Variants in ZMYM2 observed in about 807,000 individuals in gnomAD.
ZMYM2 encodes zinc finger MYM-type containing 2, also known as zinc finger MYM-type protein 2.
Under a neutral mutation model 162.8 loss-of-function variants are expected in ZMYM2, and 56 were observed. The observed-to-expected ratio is 0.34, with a 90% CI of 0.28 to 0.43. The LOEUF (loss-of-function observed/expected upper bound fraction) is 0.43. Ranked by LOEUF, ZMYM2 falls within the 20% of genes least tolerant of loss-of-function variation. ZMYM2 has a pLI of 1.00. For missense variants in ZMYM2, 1,275 were observed against 1,621.8 expected (o/e 0.79, Z 3.67); for synonymous variants, 510 against 541.6 (o/e 0.94, Z 0.81).
At chr13:19,998,095 T>C (rs1054219482) in intron 3 of ZMYM2, among the ~76,000 whole-genome samples, 3 of 152,208 alleles carry the variant, frequency 2.0e-5, no homozygotes, top group African/African-American at 7.2e-5. Flanking sequence ...GAATTGGGTC[T>C]TGCATTTATA....
chr13:19,907,981 G>A, the ZMYM2 span, among the ~76,000 whole-genome samples: 1 of 151,956 alleles, frequency 6.6e-6, no homozygotes, highest in Non-Finnish European at 1.5e-5. Context: ...ACATTTTGCA[G>A]TATACTTTCT....
intron 2 of ZMYM2, among the ~76,000 whole-genome samples, chr13:19,969,489 G>T (rs531526677): frequency 2.0e-5 from 3 of 152,230 alleles, no homozygotes; most frequent in African/African-American, 4.8e-5. Context: ...CAAGGAACTT[G>T]TGATGAGAGT....
At chr13:19,971,244 G>GTGTGTGTATATATATATATATATATA (rs5802035) in intron 2 of ZMYM2, among the ~76,000 whole-genome samples, 10 of 50,124 alleles carry the variant, frequency 2.0e-4, no homozygotes, top group East Asian at 2.8e-3. Context: ...GTGTGTGTGT[G>GTGTGTGTATATATATATATATATATA]TATATATATA....
chr13:19,870,702 C>T, the ZMYM2 span, among the ~76,000 whole-genome samples: 1 of 151,882 alleles, frequency 6.6e-6, no homozygotes, highest in Non-Finnish European at 1.5e-5. Context: ...TCTCGGCTCA[C>T]TGCAGCCTCT....
At chr13:19,904,567 T>A in the ZMYM2 span, among the ~76,000 whole-genome samples, 64 of 151,932 alleles carry the variant, frequency 4.2e-4, no homozygotes, top group Admixed American at 2.8e-3. Context: ...TCAAAAAAAA[T>A]TTTTTTTAAT....
Position 20,058,751 on chromosome 13 carries a change from C to T in ZMYM2, c.2623+47C>T, listed in dbSNP as rs781473607. On this transcript the variant is annotated intron_variant, in intron 15 of 24. Coordinates refer to ENST00000610343, the MANE Select transcript of ZMYM2 (RefSeq NM_197968.4). ...TACATACTTCCCCATACCTTCATCTCACCTAATGAAATACATGCTTTTCTT... is the reference window on the plus strand; with the variant it reads ...TACATACTTCCCCATACCTTCATCTTACCTAATGAAATACATGCTTTTCTT... The T allele has an allele frequency of 1.1e-5, 18 of 1,601,116 alleles. No homozygotes were observed. In the Admixed American group the frequency reaches 2.9e-4, roughly 26 times the overall value.
intron 12 of ZMYM2, among the ~76,000 whole-genome samples, chr13:20,039,870 T>C (rs1954082482): frequency 6.6e-6 from 1 of 152,242 alleles, no homozygotes; most frequent in Non-Finnish European, 1.5e-5. Context: ...TAGTTCTGTT[T>C]ATGTGATGAA....
chr13:20,046,689 A>ATG lies in ZMYM2; in HGVS notation c.2293-4732_2293-4731dup, dbSNP rs548530805. Among the ~76,000 whole-genome samples, 205 of 149,650 alleles carry ATG rather than the reference A, an allele frequency of 1.4e-3. 1 individual carries two copies. Among genetic ancestry groups the ATG allele is most frequent in the Non-Finnish European group, 1.2e-3 (80 of 67,408 alleles). On this transcript the variant is annotated intron_variant, in intron 12 of 24. Coordinates refer to ENST00000610343, the MANE Select transcript of ZMYM2 (RefSeq NM_197968.4). Reference sequence around the variant, plus strand: ...TATATATGTGTGTATATATGTATATATGTGTGTGTGTGTATATATATATTA... The same window carrying ATG: ...TATATATGTGTGTATATATGTATATATGTGTGTGTGTGTGTATATATATATTA...
chr13:19,917,350 G>A, the ZMYM2 span, among the ~76,000 whole-genome samples: 315 of 152,024 alleles, frequency 2.1e-3, no homozygotes, highest in South Asian at 0.019. Flanking sequence ...GCACTTTGAG[G>A]GGCAGAGGTG....
At chr13:19,925,353 A>G in the ZMYM2 span, among the ~76,000 whole-genome samples, 1 of 152,272 alleles carries the variant, frequency 6.6e-6, no homozygotes, top group East Asian at 1.9e-4. Flanking sequence ...CTTAAATGTT[A>G]TCAAGTGCTT....
chr13:19,917,215 G>T, the ZMYM2 span, among the ~76,000 whole-genome samples: 1 of 152,026 alleles, frequency 6.6e-6, no homozygotes, highest in African/African-American at 2.4e-5. Context: ...GCCCGCCTTG[G>T]CCTCCCAAAG....
the ZMYM2 span, among the ~76,000 whole-genome samples, chr13:19,906,109 C>G: frequency 6.6e-6 from 1 of 151,106 alleles, no homozygotes; most frequent in Admixed American, 6.6e-5. Context: ...AACCCTGTCT[C>G]TACTAAATAC....
At chr13:19,873,280 T>C in the ZMYM2 span, among the ~76,000 whole-genome samples, 1 of 152,160 alleles carries the variant, frequency 6.6e-6, no homozygotes, top group African/African-American at 2.4e-5. Context: ...GCCGTGTCTC[T>C]TAGGTCTCCT....
chr13:20,000,958 A>G lies in ZMYM2; in HGVS notation c.848-1892A>G, dbSNP rs139304681. Reference sequence around the variant, plus strand: ...ATGAACATTTGTAATTCATGGGAGAAGGTCAAAACAGCATTATTAACCAGA... The same window carrying G: ...ATGAACATTTGTAATTCATGGGAGAGGGTCAAAACAGCATTATTAACCAGA... On this transcript the variant is annotated intron_variant, in intron 3 of 24. Coordinates refer to ENST00000610343, the MANE Select transcript of ZMYM2 (RefSeq NM_197968.4). Among the ~76,000 whole-genome samples, 105 of 152,348 alleles carry G rather than the reference A, an allele frequency of 6.9e-4. No homozygotes were observed. In the East Asian group the frequency reaches 0.018, roughly 27 times the overall value.
At chr13:19,870,372 A>G in the ZMYM2 span, among the ~76,000 whole-genome samples, 1 of 152,040 alleles carries the variant, frequency 6.6e-6, no homozygotes, top group African/African-American at 2.4e-5. Context: ...TCCTGAGCTC[A>G]AGCAATCCAC....
At chr13:19,962,782 C>T (rs1325042719) in intron 2 of ZMYM2, among the ~76,000 whole-genome samples, 1 of 151,138 alleles carries the variant, frequency 6.6e-6, no homozygotes, top group African/African-American at 2.4e-5. Context: ...CCTCAGCCTC[C>T]CAAAGTGCTG....
chr13:19,886,284 C>T, the ZMYM2 span, among the ~76,000 whole-genome samples: 12 of 150,348 alleles, frequency 8.0e-5, no homozygotes, highest in Non-Finnish European at 1.8e-4. Context: ...CCTGCCTCAG[C>T]CTCCCAAGTA....
intron 11 of ZMYM2, among the ~76,000 whole-genome samples, chr13:20,035,398 A>G (rs1037660904): frequency 6.6e-6 from 1 of 152,228 alleles, no homozygotes; most frequent in Non-Finnish European, 1.5e-5. Flanking sequence ...TTCACCTGGA[A>G]TGGAAAGTAA....
At position 20,088,193 on chromosome 13, in the gene ZMYM2, G is replaced by T; in HGVS notation, c.*2179G>T. The T allele has an allele frequency of 4.8e-6, 1 of 206,230 alleles. No homozygotes were observed. Among genetic ancestry groups the T allele is most frequent in the Non-Finnish European group, 9.9e-6 (1 of 100,822 alleles). 12.8% of individuals were successfully genotyped at this position (206,230 alleles called of 1,614,324 possible). A position where few individuals can be genotyped will look rare whatever the true frequency, so the allele number is the denominator to read the frequency against. ...GTCTTTGTCTTGATTGCAATCCAAC[G>T]ATAGATTAACTTGATTCTCAGGGGG... On this transcript the variant is annotated 3_prime_UTR_variant, in exon 25 of 25. Coordinates refer to ENST00000610343, the MANE Select transcript of ZMYM2 (RefSeq NM_197968.4).
Sources: allele counts gnomAD v4.1 joint callset (sites outside exome capture counted in the v4.1 genomes callset), GRCh38; gene constraint gnomAD v4.1.1; transcripts MANE v1.5; gene names NCBI Gene and HGNC (gene_info 2026-07-23, HGNC 2026-07-21).